The following CYP11A1 variants were observed in gnomAD, a reference collection of about 807,000 sequenced individuals.
CYP11A1 encodes cytochrome P450 family 11 subfamily A member 1, also known as cholesterol side-chain cleavage enzyme, mitochondrial.
Under a neutral mutation model 51.9 loss-of-function variants are expected in CYP11A1, and 25 were observed. The ratio of observed to expected loss-of-function variants is 0.48; its 90% CI spans 0.35 to 0.67. The LOEUF (loss-of-function observed/expected upper bound fraction) is 0.67, where lower values mean the gene tolerates loss of function less well. Ranked by LOEUF, CYP11A1 falls within the 30% of genes least tolerant of loss-of-function variation. The pLI, the probability that CYP11A1 is intolerant of heterozygous loss-of-function variation, is 0.00. For missense variants in CYP11A1, 578 were observed against 680.9 expected, an observed-to-expected ratio of 0.85 and a Z score of 1.68; for synonymous variants, 245 against 262.1, an observed-to-expected ratio of 0.93 and a Z score of 0.63.
intron 1 of CYP11A1, among the ~76,000 whole-genome samples, chr15:74,355,453 C>A (rs1006554345): frequency 6.6e-6 from 1 of 152,146 alleles, no homozygotes; most frequent in Non-Finnish European, 1.5e-5. Context: ...CCCAAATCTT[C>A]TTTTCCCTCC....
intron 1 of CYP11A1, chr15:74,361,421 C>A (rs560208903): frequency 1.7e-4 from 53 of 315,592 alleles, no homozygotes; most frequent in East Asian, 2.1e-4. Context: ...ACAACAACAA[C>A]AAAAAATTAA....
rs1479869661 is a variant in CYP11A1 at position 74,338,666 on chromosome 15, T to C, written c.1339A>G (p.Ile447Val). The C allele has an allele frequency of 1.9e-6, 3 of 1,614,060 alleles. No individual in the cohort carries two copies. The highest frequency in any genetic ancestry group is 2.5e-6 in the Non-Finnish European group (3 of 1,180,024). Reference sequence around the variant, plus strand: ...AAGCCCAAGTTCCGGAAGTAGGTGATGTTCTTGTCTTTGCTCAGCCATCGG... The same window carrying C: ...AAGCCCAAGTTCCGGAAGTAGGTGACGTTCTTGTCTTTGCTCAGCCATCGG... ...PTRWLSKDKN[I>V]TYFRNLGFGW... Residue 447 changes from isoleucine to valine, a missense_variant, in exon 8 of 9, where the codon ATC becomes GTC. By Grantham distance (29) the Ile-to-Val change is conservative. Transcript: ENST00000268053.
rs141185016 is a variant in CYP11A1 at position 74,354,250 on chromosome 15, C to A, written c.270-6195G>T. ...AGAATCACAAAGAAGTGAAAATGGC[C>A]TGTTCCTGCCTTAACTGATAACATT... On this transcript the variant is annotated intron_variant, in intron 1 of 8. Coordinates refer to ENST00000268053, the MANE Select transcript of CYP11A1 (RefSeq NM_000781.3). 5.9e-5 allele frequency among the ~76,000 whole-genome samples: 9 copies of A among 152,298 alleles called. No individual in the cohort carries two copies. The East Asian group carries it at 1.7e-3, about 29-fold the overall frequency.
intron 1 of CYP11A1, 67 bp downstream of exon 1, chr15:74,367,247 GACT>G (rs1434986980): frequency 1.3e-6 from 2 of 1,576,112 alleles, no homozygotes; most frequent in African/African-American, 2.7e-5. Context: ...GGGGAGTGGG[GACT>G]ACAGCAGGGC....
intron 4 of CYP11A1, 147 bp from the exon 5 acceptor site, chr15:74,343,284 T>C: frequency 1.3e-6 from 1 of 746,866 alleles, no homozygotes; most frequent in South Asian, 1.5e-5. Context: ...GCACGTACTC[T>C]GTACTAAGCC....
chr15:74,364,354 G>A lies in CYP11A1; in HGVS notation c.269+2963C>T, dbSNP rs542027004. The A allele has an allele frequency of 5.3e-5, 8 of 152,364 alleles. No individual in the cohort carries two copies. The South Asian group carries it at 1.7e-3, about 32-fold the overall frequency. The allele number at this position is 152,364 out of a possible 1,614,324, so 9.4% of individuals were successfully genotyped here. A position where few individuals can be genotyped will look rare whatever the true frequency, so the allele number is the denominator to read the frequency against. On this transcript the variant is annotated intron_variant, in intron 1 of 8. Coordinates refer to ENST00000268053, the MANE Select transcript of CYP11A1 (RefSeq NM_000781.3). ...GATCACATCTCTTGAAGGGGCAGATGAGGCAGGAAAATAGGGTCTGAAGTG... is the reference window on the plus strand; with the variant it reads ...GATCACATCTCTTGAAGGGGCAGATAAGGCAGGAAAATAGGGTCTGAAGTG...
rs766314864 is a variant in CYP11A1 at position 74,367,576 on chromosome 15, T to G, written c.10A>C (p.Lys4Gln). 1 of 1,613,576 alleles carries G rather than the reference T, an allele frequency of 6.2e-7. No individual in the cohort carries two copies. Among genetic ancestry groups the G allele is most frequent in the Non-Finnish European group, 8.5e-7 (1 of 1,179,976 alleles). Residue 4 changes from lysine (K) to glutamine (Q), a missense_variant, in exon 1 of 9, where the codon AAG (lysine) becomes CAG (glutamine). By Grantham distance (53) the Lys-to-Gln change is moderately conservative. Transcript: ENST00000268053. The stretch of plus-strand genomic sequence containing the variant: ...AGGACTGAGCGTGGGGGAAGACCCT[T>G]GGCCAGCATGCTGTCCCCACAGCTG... MLA[K>Q]GLPPRSVLVK... is the part of the protein sequence containing the mutation.
chr15:74,365,789 G>T, intron 1 of CYP11A1: 1 of 985,566 alleles, frequency 1.0e-6, no homozygotes, highest in Non-Finnish European at 1.2e-6. Flanking sequence ...GCAGAGGCCA[G>T]CAGAGGCGAG....
Position 74,348,026 on chromosome 15 carries a change from T to C in CYP11A1, c.299A>G (p.Tyr100Cys), listed in dbSNP as rs1490893427. The C allele has an allele frequency of 6.2e-7, 1 of 1,614,098 alleles. No individual in the cohort carries two copies. Among genetic ancestry groups the C allele is most frequent in the South Asian group, 1.1e-5 (1 of 91,070 alleles). Residue 100 changes from tyrosine (Y) to cysteine (C), a missense_variant, in exon 2 of 9, where the codon TAT becomes TGT. By Grantham distance (194) the Tyr-to-Cys change is radical. Transcript: ENST00000268053. ...GGCCACATCTTCAGGGTCGATGACA[T>C]AAACCGACTCCACGTTGCCGAGCTT... ...REKLGNVESV[Y>C]VIDPEDVALL...
rs75145275 is a variant in CYP11A1 at position 74,366,540 on chromosome 15, G to A, written c.269+777C>T. 3.6e-3 allele frequency among the ~76,000 whole-genome samples: 547 copies of A among 150,684 alleles called. 20 individuals are homozygous for A. In the East Asian group the frequency reaches 0.06, roughly 16 times the overall value. ...TCACCATGTTGGCCGGGTTGATCTC[G>A]AACTCCTGTCCTCAAGTGATCCGCC... is the stretch of plus-strand genomic sequence containing the variant. On this transcript the variant is annotated intron_variant, in intron 1 of 8. Transcript: ENST00000268053.
At chr15:74,364,553 A>G (rs2060722980) in intron 1 of CYP11A1, 1 of 152,210 alleles carries the variant, frequency 6.6e-6, no homozygotes, top group South Asian at 2.1e-4. Context: ...TTGAGCCCCT[A>G]CGCTCCGCCT....
At position 74,347,971 on chromosome 15, in the gene CYP11A1, T is replaced by C. The variant is rs1406281408; in HGVS notation, c.354A>G (p.Pro118=). The C allele has an allele frequency of 1.2e-6, 2 of 1,614,194 alleles. No homozygotes were observed. Among genetic ancestry groups the C allele is most frequent in the Non-Finnish European group, 1.7e-6 (2 of 1,180,020 alleles). Residue 118 remains proline, a synonymous_variant, in exon 2 of 9, where the codon CCA becomes CCG. Coordinates refer to ENST00000268053, the MANE Select transcript of CYP11A1 (RefSeq NM_000781.3). Reference sequence around the variant, plus strand: ...CCCAGGGCGGGATGAGGAATCGTTCTGGGTTGGGGCCCTCGGACTTAAAGA... The same window carrying C: ...CCCAGGGCGGGATGAGGAATCGTTCCGGGTTGGGGCCCTCGGACTTAAAGA... ...ALLFKSEGPN[P]ERFLIPPWVA...
At chr15:74,356,211 G>C (rs2060679105) in intron 1 of CYP11A1, 1 of 152,252 alleles carries the variant, frequency 6.6e-6, no homozygotes, top group Non-Finnish European at 1.5e-5. Flanking sequence ...TTCAAGTGCT[G>C]GAAATCTGGC....
chr15:74,356,526 C>T (rs552885722), intron 1 of CYP11A1: 181 of 152,316 alleles, frequency 1.2e-3, no homozygotes, highest in African/African-American at 4.2e-3. Context: ...CTCCACATTA[C>T]CTTCTTTTCA....
At chr15:74,340,843 C>G (rs1434922051) in intron 5 of CYP11A1, among the ~76,000 whole-genome samples, 1 of 152,122 alleles carries the variant, frequency 6.6e-6, no homozygotes, top group African/African-American at 2.4e-5. Flanking sequence ...TACCCCACTC[C>G]CCACCTCTCT....
In CYP11A1 at chr15:74,356,907, C is replaced by A. The variant is rs1330891543; in HGVS notation, c.270-8852G>T. 8.5e-5 allele frequency among the ~76,000 whole-genome samples: 13 copies of A among 152,290 alleles called. No individual in the cohort carries two copies. The East Asian group carries it at 2.5e-3, about 29-fold the overall frequency. The stretch of plus-strand genomic sequence containing the variant: ...AAAACCTAATCACCCTTACCCTGTT[C>A]AATGCTAATATCCTATCCCACAGCA... On this transcript the variant is annotated intron_variant, in intron 1 of 8. Coordinates refer to ENST00000268053, the MANE Select transcript of CYP11A1 (RefSeq NM_000781.3).
intron 8 of CYP11A1, 192 bp from the exon 9 acceptor site, chr15:74,338,295 C>A: frequency 1.4e-6 from 1 of 738,682 alleles, no homozygotes; most frequent in Admixed American, 2.1e-5. Flanking sequence ...TTGATTTAGG[C>A]CTAGACCTTA....
intron 1 of CYP11A1, chr15:74,361,858 C>T (rs1017926837): frequency 9.7e-6 from 11 of 1,134,998 alleles, no homozygotes; most frequent in Non-Finnish European, 1.5e-5. Context: ...ATGGCAAATG[C>T]TGGATCCAAT....
Position 74,366,212 on chromosome 15 carries a change from C to G in CYP11A1, c.269+1105G>C, listed in dbSNP as rs1423623170. On this transcript the variant is annotated intron_variant, in intron 1 of 8. Coordinates refer to ENST00000268053, the MANE Select transcript of CYP11A1 (RefSeq NM_000781.3). ...GGAGGAATGCTGGGTCTGTCGCTAG[C>G]GCCAAACTTGACCACGCTGCGACCT... 12 of 984,772 alleles carry G rather than the reference C, an allele frequency of 1.2e-5. No individual in the cohort carries two copies. In the East Asian group the frequency reaches 4.5e-4, roughly 37 times the overall value. 61.0% of individuals were successfully genotyped at this position (984,772 alleles called of 1,614,324 possible).
Sources: allele counts gnomAD v4.1 joint callset (sites outside exome capture counted in the v4.1 genomes callset), GRCh38; gene constraint gnomAD v4.1.1; transcripts MANE v1.5; gene names NCBI Gene and HGNC (gene_info 2026-07-23, HGNC 2026-07-21).